Variants in L3MBTL4 observed in about 807,000 individuals in gnomAD.
L3MBTL4 encodes the protein lethal(3)malignant brain tumor-like protein 4.
In L3MBTL4, 70 loss-of-function variants were observed where a neutral mutation model predicts 84.5. The observed-to-expected ratio is 0.83, with a 90% CI of 0.68 to 1.01. The LOEUF is 1.01. L3MBTL4 is among the 50% of genes least tolerant of loss of function. L3MBTL4 has a pLI of 0.00. For synonymous variants in L3MBTL4, 274 were observed against 259.8 expected, an observed-to-expected ratio of 1.05 and a Z score of -0.52; for missense variants, 715 against 754.8, an observed-to-expected ratio of 0.95 and a Z score of 0.62.
rs879028877 is a variant in L3MBTL4 at position 6,301,951 on chromosome 18, C to T, written c.79G>A (p.Ala27Thr). Residue 27 changes from alanine (A) to threonine (T), a missense_variant, in exon 4 of 19, where the codon GCT becomes ACT. Transcript: ENST00000317931. ...RLDQDGRLEQ[A>T]EEEKKPKDST... ...TCCTTGGGCTTCTTTTCCTCTTCAG[C>T]TTGCTCCTAGAATACAGAAAATGGT... 1.2e-6 allele frequency: 2 copies of T among 1,612,270 alleles called. No individual in the cohort carries two copies. Among genetic ancestry groups the T allele is most frequent in the South Asian group, 1.1e-5 (1 of 91,060 alleles).
intron 16 of L3MBTL4, among the ~76,000 whole-genome samples, chr18:5,979,831 G>A (rs1389811097): frequency 6.6e-6 from 1 of 152,204 alleles, no homozygotes; most frequent in Non-Finnish European, 1.5e-5. Flanking sequence ...GGTCCCTGGA[G>A]GTATTGTCAG....
At chr18:6,099,858 CCTAA>C (rs1044440011) in intron 14 of L3MBTL4, among the ~76,000 whole-genome samples, 11 of 151,868 alleles carry the variant, frequency 7.2e-5, no homozygotes, top group African/African-American at 2.4e-4. Context: ...TATCTATCTA[CCTAA>C]CTATCTATCT....
chr18:6,347,899 G>T (rs1439808949), intron 1 of L3MBTL4, among the ~76,000 whole-genome samples: 6 of 151,786 alleles, frequency 4.0e-5, no homozygotes, highest in African/African-American at 1.2e-4. Context: ...CAGACAACAG[G>T]ATCTGAACAC....
intron 1 of L3MBTL4, among the ~76,000 whole-genome samples, chr18:6,316,850 C>T (rs553912148): frequency 4.0e-4 from 61 of 152,256 alleles, no homozygotes; most frequent in African/African-American, 1.3e-3. Context: ...GCTCCCCCAG[C>T]CACCTCTGTC....
intron 17 of L3MBTL4, among the ~76,000 whole-genome samples, chr18:5,964,781 A>G (rs2052257737): frequency 6.6e-6 from 1 of 152,084 alleles, no homozygotes; most frequent in African/African-American, 2.4e-5. Flanking sequence ...TGCACACCAC[A>G]TATCACGCCC....
chr18:6,297,984 A>G (rs1386663473), intron 4 of L3MBTL4, among the ~76,000 whole-genome samples: 2 of 152,268 alleles, frequency 1.3e-5, no homozygotes, highest in South Asian at 2.1e-4. Flanking sequence ...TTATTTACAA[A>G]TAGTACCACA....
intron 1 of L3MBTL4, among the ~76,000 whole-genome samples, chr18:6,407,419 C>G (rs886774115): frequency 6.6e-6 from 1 of 152,178 alleles, no homozygotes; most frequent in African/African-American, 2.4e-5. Flanking sequence ...TTGTTCTAAC[C>G]ATTCTCAGAA....
intron 13 of L3MBTL4, among the ~76,000 whole-genome samples, chr18:6,160,188 G>C (rs867695815): frequency 8.5e-5 from 13 of 152,202 alleles, no homozygotes; most frequent in Non-Finnish European, 1.5e-4. Flanking sequence ...TGAGGAGCAA[G>C]GGTGAAAATA....
chr18:6,285,833 T>TTATTATTAC (rs1568437232), intron 4 of L3MBTL4, among the ~76,000 whole-genome samples: 1 of 148,604 alleles, frequency 6.7e-6, no homozygotes, highest in Non-Finnish European at 1.5e-5. Flanking sequence ...ATTATTATTA[T>TTATTATTAC]TATTATTATT....
At chr18:6,162,498 G>A (rs139978036) in intron 13 of L3MBTL4, among the ~76,000 whole-genome samples, 24 of 152,260 alleles carry the variant, frequency 1.6e-4, no homozygotes, top group African/African-American at 5.1e-4. Context: ...AAAATACTGC[G>A]TGTGGTTGTA....
At chr18:6,071,368 A>C (rs1598635977) in intron 16 of L3MBTL4, among the ~76,000 whole-genome samples, 2 of 149,988 alleles carry the variant, frequency 1.3e-5, no homozygotes, top group East Asian at 4.0e-4. Context: ...TTCAGCTGGG[A>C]GACAGAGTGA....
intron 12 of L3MBTL4, among the ~76,000 whole-genome samples, chr18:6,179,152 A>G (rs1568265660): frequency 6.6e-6 from 1 of 152,216 alleles, no homozygotes; most frequent in Non-Finnish European, 1.5e-5. Flanking sequence ...TTATTTTGCT[A>G]TAAACCTTTT....
chr18:6,079,021 C>T lies in L3MBTL4; in HGVS notation c.1444+1860G>A, dbSNP rs142991013. Among the ~76,000 whole-genome samples the T allele has an allele frequency of 3.6e-3, 547 of 152,224 alleles. 4 individuals are homozygous for T. Among genetic ancestry groups the T allele is most frequent in the African/African-American group, 0.013 (530 of 41,526 alleles). On this transcript the variant is annotated intron_variant, in intron 16 of 18. Coordinates refer to ENST00000317931, the MANE Select transcript of L3MBTL4 (RefSeq NM_001330559.2). ...TGCTGCAGCTGATCTGACAGGAGGC[C>T]GAGCTCAGGTGGTAATGTGAGCAAT... is the stretch of plus-strand genomic sequence containing the variant.
intron 16 of L3MBTL4, among the ~76,000 whole-genome samples, chr18:6,007,992 A>T (rs1294990139): frequency 2.6e-5 from 4 of 152,204 alleles, no homozygotes; most frequent in Non-Finnish European, 5.9e-5. Context: ...TGAACTGGCT[A>T]CCTATTCAAA....
intron 9 of L3MBTL4, among the ~76,000 whole-genome samples, chr18:6,238,697 C>A (rs548102727): frequency 2.0e-5 from 3 of 152,252 alleles, no homozygotes; most frequent in South Asian, 4.1e-4. Flanking sequence ...CAGATGACAT[C>A]TTTCCTCCTT....
chr18:6,263,933 C>T lies in L3MBTL4; in HGVS notation c.219+14G>A, dbSNP rs1411712977. ...TTGCTTCCTTGCAAAAATATAAGTCCTTCAGTGGCTGACCTTGGAAAACAG... is the reference window on the plus strand; with the variant it reads ...TTGCTTCCTTGCAAAAATATAAGTCTTTCAGTGGCTGACCTTGGAAAACAG... On this transcript the variant is annotated intron_variant, in intron 5 of 18. Coordinates refer to ENST00000317931, the MANE Select transcript of L3MBTL4 (RefSeq NM_001330559.2). 3 of 1,594,460 alleles carry T rather than the reference C, an allele frequency of 1.9e-6. No homozygotes were observed. The highest frequency in any genetic ancestry group is 1.7e-5 in the Admixed American group (1 of 59,988).
intron 14 of L3MBTL4, among the ~76,000 whole-genome samples, chr18:6,129,366 C>CTGTGTGTGTGTGTGTGTG (rs761956097): frequency 3.6e-5 from 5 of 139,188 alleles, no homozygotes; most frequent in South Asian, 2.4e-4. Flanking sequence ...CTGGAATTCT[C>CTGTGTGTGTGTGTGTGTG]TCTGTGTGTG....
At chr18:6,355,918 C>A (rs2053424979) in intron 1 of L3MBTL4, among the ~76,000 whole-genome samples, 1 of 152,056 alleles carries the variant, frequency 6.6e-6, no homozygotes, top group African/African-American at 2.4e-5. Context: ...CCAGCGTGTG[C>A]ATGATTCATC....
intron 5 of L3MBTL4, among the ~76,000 whole-genome samples, chr18:6,251,076 T>C (rs903801521): frequency 6.6e-6 from 1 of 152,114 alleles, no homozygotes; most frequent in African/African-American, 2.4e-5. Flanking sequence ...ATGCTATCAG[T>C]AATGTCAAAA....
Sources: gnomAD v4.1 joint callset for allele counts (sites outside exome capture counted in the v4.1 genomes callset) on GRCh38, gnomAD v4.1.1 for gene constraint, MANE v1.5 for transcripts, NCBI Gene and HGNC (gene_info 2026-07-23, HGNC 2026-07-21) for gene names.